Variants in SETD1A observed in about 807,000 individuals in gnomAD.
SETD1A encodes histone-lysine N-methyltransferase SETD1A.
In SETD1A, 29 loss-of-function variants were observed where a neutral mutation model predicts 149.9. The observed-to-expected ratio is 0.19, with a 90% CI of 0.14 to 0.26. SETD1A has a LOEUF of 0.26. Ranked by LOEUF, SETD1A falls within the 10% of genes least tolerant of loss-of-function variation. SETD1A has a pLI of 1.00. For missense variants in SETD1A, 2,109 were observed against 2,353.1 expected, an observed-to-expected ratio of 0.90 and a Z score of 2.15; for synonymous variants, 1,141 against 968.5, an observed-to-expected ratio of 1.18 and a Z score of -3.31.
chr16:30,982,399 G>A (rs985753113), intron 17 of SETD1A, among the ~76,000 whole-genome samples: 2 of 152,010 alleles, frequency 1.3e-5, no homozygotes, highest in Admixed American at 6.6e-5. Flanking sequence ...TACTAGGGAG[G>A]CTGAGGCAGG....
intron 13 of SETD1A, among the ~76,000 whole-genome samples, chr16:30,978,839 G>A (rs374532388): frequency 6.6e-6 from 1 of 152,192 alleles, no homozygotes; most frequent in African/African-American, 2.4e-5. Context: ...CCTTCTCAGC[G>A]TGGTTACAGC....
Position 30,983,499 on chromosome 16 carries a change from G to T in SETD1A, c.4813-136G>T. On this transcript the variant is annotated intron_variant, in intron 17 of 18. Coordinates refer to ENST00000262519, the MANE Select transcript of SETD1A (RefSeq NM_014712.3). The surrounding 1 kb of genome is among the most constrained non-coding windows in gnomAD (Gnocchi z 6.8). ...TGGAAGCAGAGTCGAGAGAGTCAGT[G>T]CCGGGTTAGCGGGAGCTGGAGGCAG... 1 of 1,011,216 alleles carries T rather than the reference G, an allele frequency of 9.9e-7. No homozygotes were observed. Among genetic ancestry groups the T allele is most frequent in the Non-Finnish European group, 1.5e-6 (1 of 681,034 alleles). 62.6% of individuals were successfully genotyped at this position (1,011,216 alleles called of 1,614,324 possible).
chr16:30,964,163 C>G lies in SETD1A; in HGVS notation c.709C>G (p.Pro237Ala). 6.2e-7 allele frequency: 1 copy of G among 1,614,086 alleles called. No homozygotes were observed. ...YPAGTTAVGT[P>A]GNGTPCSQDT... The stretch of plus-strand genomic sequence containing the variant: ...AGCAGGCACCACTGCGGTGGGCACT[C>G]CTGGCAACGGCACCCCCTGCTCCCA... The change falls in exon 6 of 19, where the codon CCT becomes GCT. Residue 237 changes from proline to alanine, a missense_variant. Physicochemically the swap from Pro to Ala is conservative, Grantham distance 27. Around this residue, in one of 8 missense-constraint regions of SETD1A, gnomAD observed 410 missense variants for 394.8 expected, o/e 1.04. Transcript: ENST00000262519.
chr16:30,974,816 A>G (rs1403162337), intron 13 of SETD1A, among the ~76,000 whole-genome samples: 1 of 151,934 alleles, frequency 6.6e-6, no homozygotes, highest in Non-Finnish European at 1.5e-5. Flanking sequence ...AGACCAGTCT[A>G]GCCAACATGG....
intron 2 of SETD1A, 65 bp from the exon 3 acceptor site, chr16:30,959,026 C>A: frequency 1.4e-6 from 2 of 1,445,890 alleles, no homozygotes; most frequent in South Asian, 1.1e-5. Flanking sequence ...TCCAGATGGG[C>A]TGCTTGGAGC....
At position 30,958,851 on chromosome 16, in the gene SETD1A, C is replaced by T. The variant is rs1350145135; in HGVS notation, c.120C>T (p.Tyr40=). 4.3e-6 allele frequency: 7 copies of T among 1,614,048 alleles called. No individual in the cohort carries two copies. Among genetic ancestry groups the T allele is most frequent in the African/African-American group, 4.0e-5 (3 of 74,914 alleles). The change falls in exon 2 of 19, where the codon TAC becomes TAT. Residue 40 remains tyrosine, a synonymous_variant. Coordinates refer to ENST00000262519, the MANE Select transcript of SETD1A (RefSeq NM_014712.3). ...TGCGCAGGCCTTCTCAGAAGGTGTA[C>T]CGCTATGATGGAGTCCACTTCAGTG... ...PALRRPSQKV[Y]RYDGVHFSVN... is the part of the protein sequence containing the mutation.
Position 30,969,291 on chromosome 16 carries a change from C to T in SETD1A, c.2771-14C>T. 1 of 1,607,820 alleles carries T rather than the reference C, an allele frequency of 6.2e-7. No individual in the cohort carries two copies. On this transcript the variant is annotated splice_polypyrimidine_tract_variant and intron_variant, in intron 10 of 18. Transcript: ENST00000262519. The stretch of plus-strand genomic sequence containing the variant: ...TGATGGTAAATTTCCCCAACTACCA[C>T]TCTGCTGGCCTAGACCCTGAACAAG...
Position 30,979,309 on chromosome 16 carries a change from G to A in SETD1A, c.3523G>A (p.Val1175Met). The stretch of plus-strand genomic sequence containing the variant: ...AACTGTCTCCTTCTCTGCCATCGAG[G>A]TGGTGCCAGCCCCGGAGCCCCCTCC... ...RKTVSFSAIEVVPAPEPPPAT... is the reference protein window; with the variant it reads ...RKTVSFSAIEMVPAPEPPPAT... Residue 1175 changes from valine (V) to methionine (M), a missense_variant, in exon 14 of 19, where the codon GTG becomes ATG. Val to Met is a conservative substitution (Grantham distance 21). Transcript: ENST00000262519. The A allele has an allele frequency of 2.5e-6, 4 of 1,613,748 alleles. No individual in the cohort carries two copies. Among genetic ancestry groups the A allele is most frequent in the Non-Finnish European group, 3.4e-6 (4 of 1,179,836 alleles).
At chr16:30,967,858 C>G (rs887872846) in intron 10 of SETD1A, among the ~76,000 whole-genome samples, 4 of 152,150 alleles carry the variant, frequency 2.6e-5, no homozygotes. Flanking sequence ...TCACAGAATT[C>G]CGAGTTAAAC....
intron 3 of SETD1A, among the ~76,000 whole-genome samples, chr16:30,960,067 A>G (rs1299048178): frequency 1.3e-5 from 2 of 152,156 alleles, no homozygotes; most frequent in African/African-American, 4.8e-5. Flanking sequence ...TGGTCACCGA[A>G]TCCTCCTGGC....
intron 13 of SETD1A, among the ~76,000 whole-genome samples, chr16:30,978,019 TA>T (rs1210396105): frequency 6.6e-6 from 1 of 151,722 alleles, no homozygotes; most frequent in East Asian, 1.9e-4. Flanking sequence ...CTCACGCCTG[TA>T]ACCCCAGCAC....
chr16:30,961,208 A>G lies in SETD1A; in HGVS notation c.247-59A>G. The G allele has an allele frequency of 1.3e-6, 2 of 1,559,808 alleles. No homozygotes were observed. The highest frequency in any genetic ancestry group is 8.7e-7 in the Non-Finnish European group (1 of 1,144,568). On this transcript the variant is annotated intron_variant, in intron 3 of 18. Coordinates refer to ENST00000262519, the MANE Select transcript of SETD1A (RefSeq NM_014712.3). This position sits in a 1 kb window ranked among gnomAD's most constrained non-coding sequence, Gnocchi z 4.0. The stretch of plus-strand genomic sequence containing the variant: ...CATGGAGCTTGCTAAAGTTTCCCGA[A>G]GGACAAAGGAACAGTGGTCAGTGTT...
At chr16:30,968,104 A>G (rs553576045) in intron 10 of SETD1A, among the ~76,000 whole-genome samples, 2 of 152,140 alleles carry the variant, frequency 1.3e-5, no homozygotes, top group Non-Finnish European at 2.9e-5. Context: ...AATGGACAGG[A>G]CATATTTAAA....
chr16:30,969,724 G>A (rs757399541), intron 12 of SETD1A, 35 bp downstream of exon 12: 45 of 1,558,306 alleles, frequency 2.9e-5, no homozygotes, highest in East Asian at 1.8e-4. Context: ...CTTTGGGCTC[G>A]GAGGAGGGGT....
In SETD1A at chr16:30,961,257, C is replaced by T. The variant is rs1267051367; in HGVS notation, c.247-10C>T. 4 of 1,613,992 alleles carry T rather than the reference C, an allele frequency of 2.5e-6. No individual in the cohort carries two copies. The highest frequency in any genetic ancestry group is 2.2e-5 in the East Asian group (1 of 44,888). On this transcript the variant is annotated splice_polypyrimidine_tract_variant and intron_variant, in intron 3 of 18. Coordinates refer to ENST00000262519, the MANE Select transcript of SETD1A (RefSeq NM_014712.3). The surrounding 1 kb of genome is among the most constrained non-coding windows in gnomAD (Gnocchi z 4.0). ...TTGAGACCCCATACCAACTCCTGTT[C>T]TTTCCCCAGCTGGACGAGTTCTATA... is the stretch of plus-strand genomic sequence containing the variant.
rs2056137524 is a variant in SETD1A, at chr16:30,965,948, G to C, written c.2067G>C (p.Arg689=). Residue 689 remains arginine, a synonymous_variant, in exon 8 of 19, where the codon CGG becomes CGC. Transcript: ENST00000262519. ...AGATGCAGACCCAGATGTTAACTCG[G>C]CTCCATCAGCTGCGGCAGGGCAAGG... is the stretch of plus-strand genomic sequence containing the variant. ...SFQMQTQMLT[R]LHQLRQGKGL... is the part of the protein sequence containing the mutation. 1 of 1,607,440 alleles carries C rather than the reference G, an allele frequency of 6.2e-7. No homozygotes were observed. The highest frequency in any genetic ancestry group is 2.2e-5 in the East Asian group (1 of 44,792).
chr16:30,965,195 C>T lies in SETD1A; in HGVS notation c.1453C>T (p.His485Tyr). The T allele has an allele frequency of 1.2e-6, 2 of 1,614,138 alleles. No homozygotes were observed. The highest frequency in any genetic ancestry group is 1.6e-4 in the Middle Eastern group (1 of 6,062). Residue 485 changes from histidine to tyrosine, a missense_variant, in exon 7 of 19, where the codon CAC (histidine) becomes TAC (tyrosine). Physicochemically the swap from His to Tyr is moderately conservative, Grantham distance 83 (BLOSUM62 2). Around this residue, in one of 8 missense-constraint regions of SETD1A, gnomAD observed 23 missense variants for 48.7 expected, o/e 0.47. Coordinates refer to ENST00000262519, the MANE Select transcript of SETD1A (RefSeq NM_014712.3). ...TTNESVPFAQ[H>Y]SSLDSRIEML... is the part of the protein sequence containing the mutation. ...CAATGAGAGTGTGCCCTTCGCCCAG[C>T]ACAGCAGCCTGGATTCCCGCATCGA...
intron 10 of SETD1A, among the ~76,000 whole-genome samples, chr16:30,968,457 C>T (rs1264412224): frequency 6.7e-6 from 1 of 150,354 alleles, no homozygotes; most frequent in Non-Finnish European, 1.5e-5. Context: ...TATGTATATA[C>T]ACACAAATAT....
rs1667919214 is a variant in SETD1A, at chr16:30,980,247, C to T, written c.4408+53C>T. On this transcript the variant is annotated intron_variant, in intron 14 of 18. Coordinates refer to ENST00000262519, the MANE Select transcript of SETD1A (RefSeq NM_014712.3). The surrounding 1 kb of genome is among the most constrained non-coding windows in gnomAD (Gnocchi z 7.7). ...GGGCTTGGGTCCTCCCCCGACCCCTCCAGGCACCTGCATCTGTGCCCCACT... is the reference window on the plus strand; with the variant it reads ...GGGCTTGGGTCCTCCCCCGACCCCTTCAGGCACCTGCATCTGTGCCCCACT... 5 of 1,532,158 alleles carry T rather than the reference C, an allele frequency of 3.3e-6. No individual in the cohort carries two copies. Among genetic ancestry groups the T allele is most frequent in the Non-Finnish European group, 4.4e-6 (5 of 1,139,208 alleles). 94.9% of individuals were successfully genotyped at this position (1,532,158 alleles called of 1,614,324 possible).
Sources: allele counts gnomAD v4.1 joint callset (sites outside exome capture counted in the v4.1 genomes callset), GRCh38; gene constraint gnomAD v4.1.1; regional missense constraint gnomAD v4.1.1; non-coding constraint Gnocchi (gnomAD v3.1); transcripts MANE v1.5; gene names NCBI Gene and HGNC (gene_info 2026-07-23, HGNC 2026-07-21).